Variants in PAK2 observed in about 807,000 individuals in gnomAD.
PAK2 encodes the protein p21 (RAC1) activated kinase 2.
Under a neutral mutation model 65.9 loss-of-function variants are expected in PAK2, and 21 were observed. That is an observed-to-expected ratio of 0.32 (90% confidence interval 0.23 to 0.46). PAK2 has a LOEUF of 0.46. Among genes scored for constraint, PAK2 ranks in the 20% least tolerant of loss-of-function variants. PAK2 has a pLI of 1.00. For missense variants in PAK2, 324 were observed against 642.6 expected (o/e 0.50, Z 5.36); for synonymous variants, 204 against 219.7 (o/e 0.93, Z 0.63).
chr3:196,748,213 A>G (rs1713454983), intron 1 of PAK2, among the ~76,000 whole-genome samples: 3 of 152,132 alleles, frequency 2.0e-5, no homozygotes, highest in Admixed American at 1.3e-4. Context: ...AACTGAGCCT[A>G]AGGTACAGAG....
At chr3:196,758,883 C>T (rs1011318295) in intron 1 of PAK2, among the ~76,000 whole-genome samples, 7 of 152,124 alleles carry the variant, frequency 4.6e-5, no homozygotes, top group Non-Finnish European at 1.0e-4. Context: ...GTCTTGAACT[C>T]CTGACCTCAA....
At chr3:196,804,906 A>G (rs759957492) in intron 4 of PAK2, among the ~76,000 whole-genome samples, 4 of 151,956 alleles carry the variant, frequency 2.6e-5, no homozygotes, top group Non-Finnish European at 5.9e-5. Flanking sequence ...TTTAAAAGAA[A>G]AACAAAACAA....
At chr3:196,762,804 AAAAAAG>A (rs1333094116) in intron 1 of PAK2, among the ~76,000 whole-genome samples, 31 of 151,776 alleles carry the variant, frequency 2.0e-4, no homozygotes, top group Non-Finnish European at 3.8e-4. Context: ...TCAAAAAAAA[AAAAAAG>A]AAGAAAAGTT....
intron 1 of PAK2, among the ~76,000 whole-genome samples, chr3:196,758,020 AAAG>A (rs1253500661): frequency 2.6e-5 from 4 of 151,926 alleles, no homozygotes; most frequent in Non-Finnish European, 5.9e-5. Flanking sequence ...CCACTAGCCT[AAAG>A]AAGAAAAAAC....
chr3:196,751,674 CATATAT>C (rs149522539), intron 1 of PAK2, among the ~76,000 whole-genome samples: 3 of 71,818 alleles, frequency 4.2e-5, no homozygotes, highest in Admixed American at 1.6e-4. Flanking sequence ...TATTTATATA[CATATAT>C]ATATATATAT....
intron 1 of PAK2, among the ~76,000 whole-genome samples, chr3:196,754,019 C>T (rs1314229794): frequency 6.6e-6 from 1 of 152,094 alleles, no homozygotes; most frequent in Non-Finnish European, 1.5e-5. Flanking sequence ...AAAAGTTTGC[C>T]CTTTTTTACC....
intron 1 of PAK2, among the ~76,000 whole-genome samples, chr3:196,747,590 TAAAAC>T (rs2108707313): frequency 1.3e-5 from 2 of 152,316 alleles, no homozygotes; most frequent in East Asian, 3.9e-4. Flanking sequence ...TCTTGTGACT[TAAAAC>T]ATAATCCATT....
In PAK2 at chr3:196,807,850, C is replaced by T. The variant is rs1330407893; in HGVS notation, c.645C>T (p.Ala215=). Reference sequence around the variant, plus strand: ...GTGATTCACATGTTGATGGTGCTGCCAAGTCTTTAGACAAACAGAAAAAGA... The same window carrying T: ...GTGATTCACATGTTGATGGTGCTGCTAAGTCTTTAGACAAACAGAAAAAGA... ...PVGDSHVDGA[A]KSLDKQKKKT... is the part of the protein sequence containing the mutation. Residue 215 remains alanine (A), a synonymous_variant, in exon 7 of 15, where the codon GCC becomes GCT. Transcript: ENST00000327134. 6.2e-7 allele frequency: 1 copy of T among 1,611,926 alleles called. No homozygotes were observed. Among genetic ancestry groups the T allele is most frequent in the Non-Finnish European group, 8.5e-7 (1 of 1,178,330 alleles).
At chr3:196,801,532 T>C (rs557850652) in intron 2 of PAK2, among the ~76,000 whole-genome samples, 2 of 152,322 alleles carry the variant, frequency 1.3e-5, no homozygotes, top group East Asian at 1.9e-4. Context: ...GATCCTAATA[T>C]GTTTTAGGAA....
intron 1 of PAK2, among the ~76,000 whole-genome samples, chr3:196,744,345 TTTTAAA>T (rs1713300652): frequency 6.6e-6 from 1 of 152,236 alleles, no homozygotes; most frequent in South Asian, 2.1e-4. Context: ...TTGTTCCTTA[TTTTAAA>T]TTTAAATTCT....
rs1387252050 is a variant in PAK2 at position 196,791,597 on chromosome 3, T to C, written c.187+8764T>C. Among the ~76,000 whole-genome samples the C allele has an allele frequency of 6.6e-6, 1 of 152,220 alleles. No homozygotes were observed. ...TATTTTTTTCTTATTTTATATTTCTTATTTCAGAATGTTTTTTCTTTATGT... is the reference window on the plus strand; with the variant it reads ...TATTTTTTTCTTATTTTATATTTCTCATTTCAGAATGTTTTTTCTTTATGT... On this transcript the variant is annotated intron_variant, in intron 2 of 14. Transcript: ENST00000327134. The surrounding 1 kb of genome is among the most constrained non-coding windows in gnomAD (Gnocchi z 4.0).
At chr3:196,766,655 A>C (rs2108726124) in intron 1 of PAK2, among the ~76,000 whole-genome samples, 1 of 152,268 alleles carries the variant, frequency 6.6e-6, no homozygotes, top group Admixed American at 6.5e-5. Context: ...TACCAAAAAT[A>C]TATATTCAGA....
At chr3:196,818,851 G>A (rs754805532) in intron 12 of PAK2, among the ~76,000 whole-genome samples, 1 of 151,850 alleles carries the variant, frequency 6.6e-6, no homozygotes, top group African/African-American at 2.4e-5. Flanking sequence ...GGGAATAATT[G>A]TAATAATAAA....
chr3:196,744,373 A>G (rs1217072618), intron 1 of PAK2, among the ~76,000 whole-genome samples: 1 of 152,190 alleles, frequency 6.6e-6, no homozygotes, highest in Non-Finnish European at 1.5e-5. Flanking sequence ...AAAGCAGTAC[A>G]TATTTATTAT....
At chr3:196,823,678 A>G (rs531598197) in intron 13 of PAK2, among the ~76,000 whole-genome samples, 1 of 152,048 alleles carries the variant, frequency 6.6e-6, no homozygotes, top group South Asian at 2.1e-4. Flanking sequence ...CCAGCCTAAC[A>G]TGATGAAACC....
chr3:196,798,660 C>T (rs914286289), intron 2 of PAK2, among the ~76,000 whole-genome samples: 1 of 152,022 alleles, frequency 6.6e-6, no homozygotes, highest in Non-Finnish European at 1.5e-5. Context: ...AAATTCTTAG[C>T]AAGATTTTAG....
intron 11 of PAK2, among the ~76,000 whole-genome samples, chr3:196,817,436 C>T (rs1170850126): frequency 6.6e-6 from 1 of 151,942 alleles, no homozygotes; most frequent in Admixed American, 6.6e-5. Context: ...GTGCAAGTTC[C>T]GCCTCCCAGG....
At chr3:196,771,892 T>G (rs1714372583) in intron 1 of PAK2, among the ~76,000 whole-genome samples, 1 of 152,240 alleles carries the variant, frequency 6.6e-6, no homozygotes, top group African/African-American at 2.4e-5. Flanking sequence ...TTGTCTGCAA[T>G]GAGTTCATTA....
chr3:196,826,122 G>C (rs1711856873), intron 13 of PAK2, among the ~76,000 whole-genome samples: 1 of 152,004 alleles, frequency 6.6e-6, no homozygotes, highest in Non-Finnish European at 1.5e-5. Flanking sequence ...AGAGTGCTAG[G>C]ATTACAGGCA....
Sources: gnomAD v4.1 joint callset for allele counts (sites outside exome capture counted in the v4.1 genomes callset) on GRCh38, gnomAD v4.1.1 for gene constraint, Gnocchi (gnomAD v3.1) non-coding constraint, MANE v1.5 for transcripts, NCBI Gene and HGNC (gene_info 2026-07-23, HGNC 2026-07-21) for gene names.